The following PHEX variants were observed in gnomAD, a reference collection of about 807,000 sequenced individuals.
PHEX encodes the protein phosphate-regulating neutral endopeptidase PHEX.
A neutral mutation model predicts 68.0 loss-of-function variants in PHEX; 16 were observed. The observed-to-expected ratio is 0.24, with a 90% confidence interval of 0.16 to 0.36. The LOEUF (loss-of-function observed/expected upper bound fraction) is 0.36. Ranked by LOEUF, PHEX falls within the 10% of genes least tolerant of loss-of-function variation. PHEX has a pLI of 1.00. For synonymous variants in PHEX, 208 were observed against 205.1 expected (o/e 1.01, Z -0.12); for missense variants, 480 against 575.5 (o/e 0.83, Z 1.70).
chrX:22,181,111 A>G (rs1370911639), intron 14 of PHEX, among the ~76,000 whole-genome samples: 1 of 111,718 alleles, frequency 9.0e-6, no homozygotes, highest in Non-Finnish European at 1.9e-5. Context: ...TCTTTTAGGT[A>G]TATACCCAGC....
rs111628195 is a variant in PHEX at position 22,055,174 on chromosome X, C to CAAAAAAAAAAAAAAAAAAAA, written c.349+7985_349+8004dup. Among the ~76,000 whole-genome samples, 38 of 66,090 alleles carry CAAAAAAAAAAAAAAAAAAAA rather than the reference C, an allele frequency of 5.7e-4. 3 individuals carry two copies. The highest frequency in any genetic ancestry group is 8.4e-4 in the Non-Finnish European group (28 of 33,162). The allele number at this position is 66,090 out of a possible 115,157, so 57.4% of individuals were successfully genotyped here. A position where few individuals can be genotyped will look rare whatever the true frequency, so the allele number is the denominator to read the frequency against. On this transcript the variant is annotated intron_variant, in intron 3 of 21. Transcript: ENST00000379374. ...CGGGCAACAGAGAGAGACTCCAGCT[C>CAAAAAAAAAAAAAAAAAAAA]AAAAAAAAAAAAAAAAAAAAAAAAA...
At chrX:22,133,703 G>A in intron 12 of PHEX, 79 bp downstream of exon 12, 1 of 748,599 alleles carries the variant, frequency 1.3e-6, no homozygotes, top group Non-Finnish European at 2.0e-6. Context: ...CTGTGTAGTT[G>A]GTTTTTATAT....
chrX:22,092,041 G>A (rs192593168), intron 6 of PHEX, among the ~76,000 whole-genome samples: 178 of 111,581 alleles, frequency 1.6e-3, no homozygotes, highest in African/African-American at 5.5e-3. Flanking sequence ...AATTCAAGGT[G>A]AGATTTGGGT....
intron 15 of PHEX, among the ~76,000 whole-genome samples, chrX:22,203,347 T>G (rs1192392254): frequency 9.1e-6 from 1 of 110,233 alleles, no homozygotes; most frequent in Non-Finnish European, 1.9e-5. Flanking sequence ...CTGATAGATG[T>G]GGTGGCAGGA....
chrX:22,148,340 A>G (rs1371036920), intron 12 of PHEX, among the ~76,000 whole-genome samples: 1 of 111,724 alleles, frequency 9.0e-6, no homozygotes, highest in Non-Finnish European at 1.9e-5. Context: ...CTGTTCTCAG[A>G]AGTCTCAGAA....
chrX:22,230,963 G>C (rs964502431), intron 20 of PHEX, among the ~76,000 whole-genome samples: 3 of 111,802 alleles, frequency 2.7e-5, no homozygotes. Flanking sequence ...TCAATACCTA[G>C]TTTACTGAGA....
chrX:22,228,625 A>G (rs1935593175), intron 20 of PHEX, among the ~76,000 whole-genome samples: 1 of 111,376 alleles, frequency 9.0e-6, no homozygotes, highest in South Asian at 3.8e-4. Context: ...CCATCTTTAG[A>G]TTTTCCTGGT....
At chrX:22,179,856 A>G (rs1011155827) in intron 14 of PHEX, among the ~76,000 whole-genome samples, 1 of 111,367 alleles carries the variant, frequency 9.0e-6, no homozygotes, top group African/African-American at 3.3e-5. Context: ...CAAACTAACT[A>G]GAGTTAGTTT....
At chrX:22,068,229 C>T (rs1247101240) in intron 3 of PHEX, among the ~76,000 whole-genome samples, 1 of 111,590 alleles carries the variant, frequency 9.0e-6, no homozygotes, top group Non-Finnish European at 1.9e-5. Flanking sequence ...CCTTGAGGAC[C>T]AGCCAACTTT....
At chrX:22,101,767 G>C (rs1428055741) in intron 9 of PHEX, among the ~76,000 whole-genome samples, 1 of 111,441 alleles carries the variant, frequency 9.0e-6, no homozygotes, top group African/African-American at 3.3e-5. Flanking sequence ...TCTAGCTGTA[G>C]GGGAGACTGG....
chrX:22,234,139 T>A (rs1935873737), intron 20 of PHEX, among the ~76,000 whole-genome samples: 1 of 112,994 alleles, frequency 8.9e-6, no homozygotes, highest in Admixed American at 9.3e-5. Flanking sequence ...CAGCAAAAAT[T>A]GCTGCCTGTT....
chrX:22,109,949 A>G (rs5951496), intron 9 of PHEX, among the ~76,000 whole-genome samples: 6,076 of 112,050 alleles, frequency 0.054, 399 homozygotes, highest in African/African-American at 0.19. Context: ...ACAACTCTGT[A>G]AGGTAGGGAT....
chrX:22,201,873 A>C (rs933756284), intron 15 of PHEX, among the ~76,000 whole-genome samples: 27 of 111,207 alleles, frequency 2.4e-4, no homozygotes, highest in African/African-American at 8.8e-4. Context: ...GGACCTAAAA[A>C]CCAGCCATGG....
At chrX:22,227,445 T>C (rs1935544265) in intron 19 of PHEX, 62 bp from the exon 20 acceptor site, 1 of 750,356 alleles carries the variant, frequency 1.3e-6, no homozygotes, top group Admixed American at 2.2e-5. Context: ...ATTCCTGTGC[T>C]AGCTGAGCAA....
Position 22,167,791 on chromosome X carries a change from G to A in PHEX, c.1405-521G>A, listed in dbSNP as rs187880714. On this transcript the variant is annotated intron_variant, in intron 12 of 21. Transcript: ENST00000379374. ...ATTACAGGCATGAACAACTGTGCCC[G>A]ACCTCCTTTCCCCATTTTTTAACCA... Among the ~76,000 whole-genome samples the A allele has an allele frequency of 3.0e-3, 335 of 111,131 alleles. 1 individual carries two copies. The highest frequency in any genetic ancestry group is 0.01 in the African/African-American group (315 of 30,603).
In PHEX at chrX:22,127,005, G is replaced by A. The variant is rs752414384; in HGVS notation, c.1303-6518G>A. Among the ~76,000 whole-genome samples the A allele has an allele frequency of 8.5e-5, 9 of 105,905 alleles. No homozygotes were observed. The South Asian group carries it at 3.0e-3, about 36-fold the overall frequency. 92.0% of individuals were successfully genotyped at this position (105,905 alleles called of 115,157 possible). A position where few individuals can be genotyped will look rare whatever the true frequency, so the allele number is the denominator to read the frequency against. On this transcript the variant is annotated intron_variant, in intron 11 of 21. Coordinates refer to ENST00000379374, the MANE Select transcript of PHEX (RefSeq NM_000444.6). ...TTGTGCCTCAGCCTCTCGAGTAGCT[G>A]AGATTACAGTTGCCCGCCACCATGC...
At chrX:22,154,982 G>A (rs910369900) in intron 12 of PHEX, among the ~76,000 whole-genome samples, 3 of 112,469 alleles carry the variant, frequency 2.7e-5, no homozygotes, top group Non-Finnish European at 5.6e-5. Context: ...CATGATATCG[G>A]CTCACTGCAA....
At chrX:22,158,071 A>G (rs1019900709) in intron 12 of PHEX, among the ~76,000 whole-genome samples, 2 of 112,224 alleles carry the variant, frequency 1.8e-5, no homozygotes, top group African/African-American at 6.5e-5. Flanking sequence ...GGATCCTGAT[A>G]GACCCAGAGG....
chrX:22,213,052 A>G, intron 16 of PHEX, 94 bp downstream of exon 16: 4 of 695,308 alleles, frequency 5.8e-6, no homozygotes, highest in Non-Finnish European at 9.4e-6. Flanking sequence ...AAGGTTATTC[A>G]GCAGAAAGAA....
Sources: allele counts gnomAD v4.1 joint callset (sites outside exome capture counted in the v4.1 genomes callset), GRCh38; gene constraint gnomAD v4.1.1; transcripts MANE v1.5; gene names NCBI Gene and HGNC (gene_info 2026-07-23, HGNC 2026-07-21).